Variants in VPS13D observed in about 807,000 individuals in gnomAD.
The protein encoded by VPS13D is vacuolar protein sorting 13 homolog D, also known as intermembrane lipid transfer protein VPS13D.
A neutral mutation model predicts 461.9 loss-of-function variants in VPS13D; 187 were observed. The ratio of observed to expected loss-of-function variants is 0.40; its 90% confidence interval spans 0.36 to 0.46. The LOEUF is 0.46. Among genes scored for constraint, VPS13D ranks in the 20% least tolerant of loss-of-function variants. The probability of loss-of-function intolerance (pLI) is 0.60; values close to 1 mark genes in which losing one functional copy is unlikely to be tolerated. For synonymous variants in VPS13D, 1,951 were observed against 1,986.3 expected (o/e 0.98, Z 0.47); for missense variants, 4,711 against 5,364.9 (o/e 0.88, Z 3.81).
intron 65 of VPS13D, among the ~76,000 whole-genome samples, chr1:12,445,274 A>C (rs1034550183): frequency 1.3e-5 from 2 of 152,244 alleles, no homozygotes; most frequent in African/African-American, 4.8e-5. Context: ...TAAAAAGTAC[A>C]TTGAACCAGA....
chr1:12,462,403 G>A (rs1391866439), intron 67 of VPS13D, among the ~76,000 whole-genome samples: 1 of 152,234 alleles, frequency 6.6e-6, no homozygotes, highest in Non-Finnish European at 1.5e-5. Context: ...ACTACTGTGT[G>A]TGCAACAGCA....
intron 46 of VPS13D, among the ~76,000 whole-genome samples, chr1:12,350,635 A>G (rs916657543): frequency 3.3e-5 from 5 of 152,310 alleles, no homozygotes; most frequent in Middle Eastern, 3.4e-3. Flanking sequence ...AAGAATATAT[A>G]AAATTGCTGA....
chr1:12,388,023 A>G (rs1016249129), intron 60 of VPS13D, among the ~76,000 whole-genome samples: 3 of 152,260 alleles, frequency 2.0e-5, no homozygotes. Flanking sequence ...TGTTCTACAC[A>G]AAGTAATGAA....
In VPS13D at chr1:12,495,858, G is replaced by T. The variant is rs1645949450; in HGVS notation, c.12663-1642G>T. Reference sequence around the variant, plus strand: ...GGAATGACAGCAAGTGCTTTGCTAGGCAAGGAGATAAGAACAGAGCTCTGC... The same window carrying T: ...GGAATGACAGCAAGTGCTTTGCTAGTCAAGGAGATAAGAACAGAGCTCTGC... On this transcript the variant is annotated intron_variant, in intron 67 of 69. Coordinates refer to ENST00000620676, the MANE Select transcript of VPS13D (RefSeq NM_015378.4). The surrounding 1 kb of genome is among the most constrained non-coding windows in gnomAD (Gnocchi z 4.0). Among the ~76,000 whole-genome samples, 1 of 152,196 alleles carries T rather than the reference G, an allele frequency of 6.6e-6. No individual in the cohort carries two copies. The highest frequency in any genetic ancestry group is 2.4e-5 in the African/African-American group (1 of 41,452).
chr1:12,340,938 A>G (rs2101574542), intron 40 of VPS13D, among the ~76,000 whole-genome samples: 1 of 152,252 alleles, frequency 6.6e-6, no homozygotes, highest in African/African-American at 2.4e-5. Context: ...TCCATGTGGA[A>G]CCACATAGCA....
At chr1:12,435,029 A>C (rs1263672103) in intron 65 of VPS13D, among the ~76,000 whole-genome samples, 2 of 152,224 alleles carry the variant, frequency 1.3e-5, no homozygotes, top group Non-Finnish European at 2.9e-5. Flanking sequence ...GGAGTAGTTA[A>C]CTTAGCCCTG....
chr1:12,292,413 G>A (rs1642160375), intron 23 of VPS13D, among the ~76,000 whole-genome samples: 1 of 143,316 alleles, frequency 7.0e-6, no homozygotes, highest in Admixed American at 7.1e-5. Context: ...TGATTTAATT[G>A]GTCTAGGGCC....
chr1:12,432,536 G>A (rs1366692649), intron 65 of VPS13D, among the ~76,000 whole-genome samples: 1 of 152,054 alleles, frequency 6.6e-6, no homozygotes, highest in Non-Finnish European at 1.5e-5. Flanking sequence ...AACCCTGGAA[G>A]AACTTGTGAT....
chr1:12,308,085 G>T (rs115472770), intron 26 of VPS13D, among the ~76,000 whole-genome samples: 7 of 152,172 alleles, frequency 4.6e-5, no homozygotes, highest in Admixed American at 4.6e-4. Flanking sequence ...AGCATTGTGC[G>T]TGGGGAGGGA....
intron 65 of VPS13D, among the ~76,000 whole-genome samples, chr1:12,424,410 C>G (rs1158930087): frequency 6.6e-6 from 1 of 152,136 alleles, no homozygotes; most frequent in African/African-American, 2.4e-5. Context: ...TGCTGAATGA[C>G]TCACCCTAAC....
In VPS13D at chr1:12,319,564, C is replaced by A. The variant is rs372623610; in HGVS notation, c.7482C>A (p.Thr2494=). ...CCAATGCCATTATTCTGAAAGGCACCACAGTGCTCACCTATAAGCCCCGGT... is the reference window on the plus strand; with the variant it reads ...CCAATGCCATTATTCTGAAAGGCACAACAGTGCTCACCTATAAGCCCCGGT... ...FDTNAIILKG[T]TVLTYKPRFV... The change falls in exon 32 of 70, where the codon ACC becomes ACA. Residue 2494 remains threonine (T), a synonymous_variant. Coordinates refer to ENST00000620676, the MANE Select transcript of VPS13D (RefSeq NM_015378.4). 1 of 1,614,172 alleles carries A rather than the reference C, an allele frequency of 6.2e-7. No homozygotes were observed. The highest frequency in any genetic ancestry group is 8.5e-7 in the Non-Finnish European group (1 of 1,180,022).
At chr1:12,231,773 A>G (rs1639981217) in intron 1 of VPS13D, among the ~76,000 whole-genome samples, 16 of 152,136 alleles carry the variant, frequency 1.1e-4, no homozygotes, top group Non-Finnish European at 2.1e-4. Context: ...CAGATCGCTT[A>G]AGGTCAGGAT....
At position 12,383,074 on chromosome 1, in the gene VPS13D, A is replaced by G. The variant is rs1644304167; in HGVS notation, c.11289A>G (p.Gln3763=). The change falls in exon 58 of 70, where the codon CAA becomes CAG. Residue 3763 remains glutamine, a synonymous_variant. Transcript: ENST00000620676. Reference sequence around the variant, plus strand: ...TGGGGCCAGTTCCACCTGAACAACAATTTATTAATCAAAAAATGAGACCTG... The same window carrying G: ...TGGGGCCAGTTCCACCTGAACAACAGTTTATTAATCAAAAAATGAGACCTG... ...ELLGPVPPEQ[Q]FINQKMRPGS... is the part of the protein sequence containing the mutation. The G allele has an allele frequency of 1.9e-6, 3 of 1,614,194 alleles. No homozygotes were observed. Among genetic ancestry groups the G allele is most frequent in the South Asian group, 2.2e-5 (2 of 91,078 alleles).
At chr1:12,432,045 T>G (rs750523006) in intron 65 of VPS13D, among the ~76,000 whole-genome samples, 4 of 152,162 alleles carry the variant, frequency 2.6e-5, no homozygotes, top group Non-Finnish European at 5.9e-5. Context: ...TGTTCATATG[T>G]TTTTCTCTGT....
Position 12,318,317 on chromosome 1 carries a change from A to T in VPS13D, c.7394A>T (p.Glu2465Val). 1.2e-6 allele frequency: 2 copies of T among 1,611,274 alleles called. No homozygotes were observed. Among genetic ancestry groups the T allele is most frequent in the Non-Finnish European group, 1.7e-6 (2 of 1,177,568 alleles). The change falls in exon 31 of 70, where the codon GAG becomes GTG. Residue 2465 changes from glutamate (E) to valine (V), a missense_variant. Glu to Val is a moderately radical substitution (Grantham distance 121). Around this residue, in one of 3 missense-constraint regions of VPS13D, gnomAD observed 4,411 missense variants for 4,937.8 expected, o/e 0.89. Transcript: ENST00000620676. ...CCTGTGTCCAATGAAAGGCACCTGG[A>T]GGTCAAGGTCAATGTAACAGGTGAT... Reference protein sequence around the residue: ...SLPVSNERHLEVKVNVTGTEF... With the variant: ...SLPVSNERHLVVKVNVTGTEF...
intron 65 of VPS13D, among the ~76,000 whole-genome samples, chr1:12,451,850 A>G (rs895652686): frequency 6.6e-6 from 1 of 152,366 alleles, no homozygotes; most frequent in Non-Finnish European, 1.5e-5. Flanking sequence ...AGTTTAGATA[A>G]CATAATACTA....
chr1:12,322,887 C>T, intron 34 of VPS13D, 141 bp downstream of exon 34: 1 of 712,676 alleles, frequency 1.4e-6, no homozygotes, highest in South Asian at 2.1e-5. Flanking sequence ...CTAAGTATGA[C>T]TCTCTCATTT....
rs761189800 is a variant in VPS13D at position 12,343,093 on chromosome 1, G to C, written c.8885+42G>C. ...TCTTTTCTTTAAAAAAAAGAAAGTG[G>C]ATGTAAGTGAGGGTCCCTAGTGTTT... On this transcript the variant is annotated intron_variant, in intron 42 of 69. Coordinates refer to ENST00000620676, the MANE Select transcript of VPS13D (RefSeq NM_015378.4). The C allele has an allele frequency of 3.9e-6, 6 of 1,549,776 alleles. No homozygotes were observed. The South Asian group carries it at 7.3e-5, about 19-fold the overall frequency.
Position 12,383,121 on chromosome 1 carries a change from G to C in VPS13D, c.11336G>C (p.Arg3779Thr). ...MRPGSGMLSI[R>T]VIPDGPTRAL... ...CCTGGTTCTGGAATGTTATCCATCA[G>C]AGTCATCCCAGATGGACCAACTAGA... Residue 3779 changes from arginine (R) to threonine (T), a missense_variant, in exon 58 of 70, where the codon AGA (arginine) becomes ACA (threonine). Physicochemically the swap from Arg to Thr is moderately conservative, Grantham distance 71 (BLOSUM62 -1). This residue lies in a region of VPS13D where 4,411 missense variants were observed against 4,937.8 expected (regional missense o/e 0.89). Transcript: ENST00000620676. 1.2e-6 allele frequency: 2 copies of C among 1,614,064 alleles called. No homozygotes were observed. The highest frequency in any genetic ancestry group is 1.7e-6 in the Non-Finnish European group (2 of 1,179,996).
Sources: allele counts gnomAD v4.1 joint callset (sites outside exome capture counted in the v4.1 genomes callset), GRCh38; gene constraint gnomAD v4.1.1; regional missense constraint gnomAD v4.1.1; non-coding constraint Gnocchi (gnomAD v3.1); transcripts MANE v1.5; gene names NCBI Gene and HGNC (gene_info 2026-07-23, HGNC 2026-07-21).